SH3PXD2B: variants seen among roughly 807,000 people sequenced by gnomAD.
SH3PXD2B encodes SH3 and PX domain-containing protein 2B.
Under a neutral mutation model 73.1 loss-of-function variants are expected in SH3PXD2B, and 37 were observed. The ratio of observed to expected loss-of-function variants is 0.51; its 90% CI spans 0.39 to 0.67. SH3PXD2B has a LOEUF of 0.67. Ranked by LOEUF, SH3PXD2B falls within the 30% of genes least tolerant of loss-of-function variation. SH3PXD2B has a pLI of 0.00. For synonymous variants in SH3PXD2B, 457 were observed against 480.5 expected, an observed-to-expected ratio of 0.95 and a Z score of 0.64; for missense variants, 1,053 against 1,197.8, an observed-to-expected ratio of 0.88 and a Z score of 1.78.
rs1295414777 is a variant in SH3PXD2B, at chr5:172,338,111, G to A, written c.*258C>T. ...CATTGGCCAGGAGGAGTTCTCTTAA[G>A]GCAGGGATGCTGACATGGACAGAAA... On this transcript the variant is annotated 3_prime_UTR_variant, in exon 13 of 13. Coordinates refer to ENST00000311601, the MANE Select transcript of SH3PXD2B (RefSeq NM_001017995.3). The surrounding 1 kb of genome is among the most constrained non-coding windows in gnomAD (Gnocchi z 5.1). The A allele has an allele frequency of 2.1e-6, 3 of 1,398,358 alleles. No individual in the cohort carries two copies. The highest frequency in any genetic ancestry group is 2.8e-6 in the Non-Finnish European group (3 of 1,078,310). 86.6% of individuals were successfully genotyped at this position (1,398,358 alleles called of 1,614,324 possible). A position where few individuals can be genotyped will look rare whatever the true frequency, so the allele number is the denominator to read the frequency against.
chr5:172,425,572 T>C (rs1332697783), intron 1 of SH3PXD2B, among the ~76,000 whole-genome samples: 1 of 151,676 alleles, frequency 6.6e-6, no homozygotes, highest in Non-Finnish European at 1.5e-5. Flanking sequence ...CTCGCCTGTG[T>C]GAGGAACAGG....
At chr5:172,344,302 A>C (rs1323135830) in intron 12 of SH3PXD2B, among the ~76,000 whole-genome samples, 2 of 152,106 alleles carry the variant, frequency 1.3e-5, no homozygotes, top group Non-Finnish European at 2.9e-5. Flanking sequence ...AGAAAACAAC[A>C]TCTAGCCAGG....
chr5:172,381,664 G>A (rs1757949827), intron 5 of SH3PXD2B, among the ~76,000 whole-genome samples: 1 of 152,134 alleles, frequency 6.6e-6, no homozygotes, highest in African/African-American at 2.4e-5. Context: ...GGTTGCTCCC[G>A]CATTCACATC....
downstream of SH3PXD2B, among the ~76,000 whole-genome samples, chr5:172,329,079 A>ATT (rs1386540665): frequency 6.2e-5 from 4 of 64,536 alleles, no homozygotes; most frequent in African/African-American, 1.9e-4. Context: ...ATATATATAT[A>ATT]TATATTTTTT....
At chr5:172,391,061 G>A (rs10053598) in intron 4 of SH3PXD2B, among the ~76,000 whole-genome samples, 9,378 of 151,944 alleles carry the variant, frequency 0.062, 433 homozygotes, top group African/African-American at 0.14. Flanking sequence ...GGCTGGTCTC[G>A]AACTCCCGAC....
At chr5:172,386,585 G>GTTTTTTT (rs112363068) in intron 4 of SH3PXD2B, among the ~76,000 whole-genome samples, 28 of 151,232 alleles carry the variant, frequency 1.9e-4, no homozygotes, top group African/African-American at 5.4e-4. Flanking sequence ...TTGTTTTATT[G>GTTTTTTT]TTTTTATTTT....
At chr5:172,426,313 C>T (rs955928759) in intron 1 of SH3PXD2B, among the ~76,000 whole-genome samples, 5 of 152,220 alleles carry the variant, frequency 3.3e-5, no homozygotes, top group Non-Finnish European at 7.3e-5. Flanking sequence ...AGAGAGCACA[C>T]ACCCTGGGTC....
intron 5 of SH3PXD2B, among the ~76,000 whole-genome samples, chr5:172,381,425 C>A (rs1297271711): frequency 6.6e-6 from 1 of 152,186 alleles, no homozygotes; most frequent in Non-Finnish European, 1.5e-5. Context: ...AGTGTTGGTG[C>A]GTAAGTGCGG....
At chr5:172,383,460 G>A (rs929506864) in intron 4 of SH3PXD2B, among the ~76,000 whole-genome samples, 1 of 152,190 alleles carries the variant, frequency 6.6e-6, no homozygotes, top group African/African-American at 2.4e-5. Context: ...AGAAGTGCAG[G>A]GTACACTCTG....
chr5:172,403,538 A>C (rs1260210992), intron 3 of SH3PXD2B, among the ~76,000 whole-genome samples: 1 of 152,114 alleles, frequency 6.6e-6, no homozygotes, highest in Non-Finnish European at 1.5e-5. Flanking sequence ...TGCCTTGAGA[A>C]GGGACCAAGT....
downstream of SH3PXD2B, among the ~76,000 whole-genome samples, chr5:172,332,230 C>A: frequency 6.7e-6 from 1 of 150,316 alleles, no homozygotes; most frequent in African/African-American, 2.4e-5. Context: ...TATGGGGGCC[C>A]AGAACACCGC....
rs6556021 is a variant in SH3PXD2B, at chr5:172,397,642, T to G, written c.233-3003A>C. Among the ~76,000 whole-genome samples, 920 of 152,328 alleles carry G rather than the reference T, an allele frequency of 6.0e-3. 10 individuals are homozygous for G. Among genetic ancestry groups the G allele is most frequent in the African/African-American group, 0.021 (872 of 41,572 alleles). On this transcript the variant is annotated intron_variant, in intron 3 of 12. Transcript: ENST00000311601. The stretch of plus-strand genomic sequence containing the variant: ...TTAGGGAAATAGAAAAGAACCTACG[T>G]GAAATAACATTGAATTATTGGGGGC...
At chr5:172,448,562 A>G (rs1449568822) in intron 1 of SH3PXD2B, among the ~76,000 whole-genome samples, 2 of 152,288 alleles carry the variant, frequency 1.3e-5, no homozygotes, top group East Asian at 3.9e-4. Flanking sequence ...CCCGCTCAGG[A>G]GCGCTTGAAG....
intron 1 of SH3PXD2B, among the ~76,000 whole-genome samples, chr5:172,434,691 C>G (rs978507379): frequency 1.3e-5 from 2 of 152,078 alleles, no homozygotes. Flanking sequence ...AGCTGAAATT[C>G]CTGGCTGGCA....
intron 2 of SH3PXD2B, among the ~76,000 whole-genome samples, chr5:172,409,163 C>T (rs993855104): frequency 1.3e-5 from 2 of 152,106 alleles, no homozygotes; most frequent in Non-Finnish European, 2.9e-5. Flanking sequence ...GGGTGGATGG[C>T]CTGAGGTCAG....
downstream of SH3PXD2B, among the ~76,000 whole-genome samples, chr5:172,329,076 T>C (rs1756502635): frequency 1.2e-5 from 1 of 81,470 alleles, no homozygotes; most frequent in African/African-American, 4.5e-5. Context: ...TATATATATA[T>C]ATATATATTT....
intron 1 of SH3PXD2B, among the ~76,000 whole-genome samples, chr5:172,446,045 C>T (rs921470400): frequency 3.3e-5 from 5 of 152,194 alleles, no homozygotes; most frequent in African/African-American, 7.2e-5. Flanking sequence ...AGCTGGTTCC[C>T]GTGTCACGTC....
chr5:172,392,619 CAAA>C (rs566564799), intron 4 of SH3PXD2B, among the ~76,000 whole-genome samples: 2 of 116,692 alleles, frequency 1.7e-5, no homozygotes, highest in Admixed American at 8.9e-5. Flanking sequence ...ACTAAAAATA[CAAA>C]AAAAAAAAAA....
At chr5:172,325,582 G>A (rs747416766) in intron 12 of SH3PXD2B, among the ~76,000 whole-genome samples, 1 of 152,164 alleles carries the variant, frequency 6.6e-6, no homozygotes, top group Non-Finnish European at 1.5e-5. Context: ...TGGCCTTCTC[G>A]CTGGGTCCTC....
Sources: gnomAD v4.1 joint callset for allele counts (sites outside exome capture counted in the v4.1 genomes callset) on GRCh38, gnomAD v4.1.1 for gene constraint, Gnocchi (gnomAD v3.1) non-coding constraint, MANE v1.5 for transcripts, NCBI Gene and HGNC (gene_info 2026-07-23, HGNC 2026-07-21) for gene names.